The following DLGAP2 variants were observed in gnomAD, a reference collection of about 807,000 sequenced individuals.
DLGAP2 encodes the protein DLG associated protein 2.
A neutral mutation model predicts 100.3 loss-of-function variants in DLGAP2; 26 were observed. The ratio of observed to expected loss-of-function variants is 0.26; its 90% CI spans 0.19 to 0.36. DLGAP2 has a LOEUF of 0.36. Among genes scored for constraint, DLGAP2 ranks in the 10% least tolerant of loss-of-function variants. The pLI is 1.00. For missense variants in DLGAP2, 1,858 were observed against 1,453.2 expected, an observed-to-expected ratio of 1.28 and a Z score of -4.53; for synonymous variants, 886 against 630.1, an observed-to-expected ratio of 1.41 and a Z score of -6.08.
At chr8:1,350,210 A>T (rs1471205091) in intron 3 of DLGAP2, among the ~76,000 whole-genome samples, 2 of 150,100 alleles carry the variant, frequency 1.3e-5, no homozygotes, top group African/African-American at 4.9e-5. Flanking sequence ...GTGCGTGGAA[A>T]GGCCGTGCGG....
chr8:1,441,893 A>T (rs60287460), intron 3 of DLGAP2, among the ~76,000 whole-genome samples: 4,169 of 152,058 alleles, frequency 0.027, 200 homozygotes, highest in African/African-American at 0.094. Flanking sequence ...GCACCTATCA[A>T]TGTGGTCCAT....
intron 3 of DLGAP2, among the ~76,000 whole-genome samples, chr8:1,433,889 G>T (rs1797536443): frequency 6.6e-6 from 1 of 152,088 alleles, no homozygotes; most frequent in Admixed American, 6.5e-5. Context: ...ATCCAGTGCT[G>T]TCCATGGTCC....
At chr8:1,220,021 T>C (rs1489172160) in intron 2 of DLGAP2, among the ~76,000 whole-genome samples, 1 of 152,246 alleles carries the variant, frequency 6.6e-6, no homozygotes, top group Non-Finnish European at 1.5e-5. Flanking sequence ...TTAATCTAGC[T>C]AGTGGTCTAT....
chr8:962,785 C>G (rs1467511113), intron 2 of DLGAP2, among the ~76,000 whole-genome samples: 1 of 152,194 alleles, frequency 6.6e-6, no homozygotes, highest in Non-Finnish European at 1.5e-5. Flanking sequence ...GCATGGCCCT[C>G]AGCACCCAGG....
chr8:1,326,538 G>C (rs1260757494), intron 3 of DLGAP2, among the ~76,000 whole-genome samples: 3 of 152,040 alleles, frequency 2.0e-5, no homozygotes, highest in Non-Finnish European at 2.9e-5. Context: ...GTCCGGTCCT[G>C]TCTTTCAGGA....
chr8:1,337,853 AC>A (rs1392126535), intron 3 of DLGAP2, among the ~76,000 whole-genome samples: 1 of 152,332 alleles, frequency 6.6e-6, no homozygotes, highest in Non-Finnish European at 1.5e-5. Context: ...AGTGAAAAAG[AC>A]CAGTCAAATT....
rs148845615 is a variant in DLGAP2, at chr8:1,594,923, T to A, written c.1442+29029T>A. Reference sequence around the variant, plus strand: ...CCTCTGACTTCTTCCTGCCACTCACTGGGGTCTCCAGCTGTCAGCAGGACC... The same window carrying A: ...CCTCTGACTTCTTCCTGCCACTCACAGGGGTCTCCAGCTGTCAGCAGGACC... On this transcript the variant is annotated intron_variant, in intron 6 of 14. Transcript: ENST00000637795. Among the ~76,000 whole-genome samples the A allele has an allele frequency of 4.0e-4, 61 of 152,202 alleles. 1 individual carries two copies. The East Asian group carries it at 0.01, about 25-fold the overall frequency.
chr8:970,786 G>C lies in DLGAP2; in HGVS notation c.73+62820G>C, dbSNP rs77223589. On this transcript the variant is annotated intron_variant, in intron 2 of 14. Coordinates refer to ENST00000637795, the MANE Select transcript of DLGAP2 (RefSeq NM_001346810.2). ...AGACTTGAGCTGCACAAAGCTTCTA[G>C]TATATTCTATGACCTTGATTTTAGC... 1.6e-4 allele frequency among the ~76,000 whole-genome samples: 24 copies of C among 152,276 alleles called. 2 individuals carry two copies. The East Asian group carries it at 4.4e-3, about 28-fold the overall frequency.
chr8:1,158,745 C>G (rs1796838302), intron 2 of DLGAP2, among the ~76,000 whole-genome samples: 1 of 152,238 alleles, frequency 6.6e-6, no homozygotes, highest in Non-Finnish European at 1.5e-5. Flanking sequence ...GTCCTGGTGG[C>G]TCCGAGTCAC....
intron 6 of DLGAP2, among the ~76,000 whole-genome samples, chr8:1,577,380 C>A (rs1803026992): frequency 6.6e-6 from 1 of 151,786 alleles, no homozygotes; most frequent in South Asian, 2.1e-4. Context: ...ACCAGCCTGG[C>A]CAACATGGCA....
At chr8:1,641,654 C>T (rs1379774605) in intron 8 of DLGAP2, among the ~76,000 whole-genome samples, 1 of 152,090 alleles carries the variant, frequency 6.6e-6, no homozygotes, top group Non-Finnish European at 1.5e-5. Context: ...GGGATGGAGT[C>T]AGAAGTCCAG....
intron 3 of DLGAP2, among the ~76,000 whole-genome samples, chr8:1,350,844 C>T (rs1307050955): frequency 1.6e-5 from 1 of 62,144 alleles, no homozygotes; most frequent in Non-Finnish European, 3.3e-5. Flanking sequence ...GTGGAAAGGC[C>T]GTGCGGGTCC....
chr8:834,422 G>A (rs1796836557), intron 1 of DLGAP2, among the ~76,000 whole-genome samples: 1 of 152,178 alleles, frequency 6.6e-6, no homozygotes, highest in Non-Finnish European at 1.5e-5. Flanking sequence ...GCAGGCCGAC[G>A]CATGCGCCTG....
chr8:1,412,257 C>G (rs985466685), intron 3 of DLGAP2, among the ~76,000 whole-genome samples: 1 of 152,214 alleles, frequency 6.6e-6, no homozygotes, highest in Non-Finnish European at 1.5e-5. Context: ...GCTCTGAGCG[C>G]TAGACTCTGC....
At position 1,381,023 on chromosome 8, in the gene DLGAP2, TTAC is replaced by T. The variant is rs1303297705; in HGVS notation, c.107-120341_107-120339del. ...CATTTGATATTTTTATATTTATATT[TTAC>T]TTAAATAATATAAGGAGTTCCTTTC... On this transcript the variant is annotated intron_variant, in intron 3 of 14. Coordinates refer to ENST00000637795, the MANE Select transcript of DLGAP2 (RefSeq NM_001346810.2). 17 of 151,486 alleles carry T rather than the reference TTAC, an allele frequency of 1.1e-4. No individual in the cohort carries two copies. The East Asian group carries it at 3.3e-3, about 29-fold the overall frequency. The allele number at this position is 151,486 out of a possible 1,614,324, so 9.4% of individuals were successfully genotyped here.
chr8:866,155 C>T (rs1038947102), intron 1 of DLGAP2, among the ~76,000 whole-genome samples: 2 of 152,220 alleles, frequency 1.3e-5, no homozygotes, highest in South Asian at 4.2e-4. Flanking sequence ...CACGGTTGGC[C>T]GGGGCCCTCG....
At chr8:856,435 A>C (rs933923593) in intron 1 of DLGAP2, among the ~76,000 whole-genome samples, 1 of 151,944 alleles carries the variant, frequency 6.6e-6, no homozygotes, top group African/African-American at 2.4e-5. Flanking sequence ...TGATCTGCCC[A>C]CCTCGGCCTC....
intron 3 of DLGAP2, among the ~76,000 whole-genome samples, chr8:1,429,744 C>T (rs1204671851): frequency 1.3e-5 from 2 of 151,608 alleles, no homozygotes; most frequent in South Asian, 2.1e-4. Flanking sequence ...GCTTCAATCC[C>T]AGTGCTTTCC....
chr8:1,435,680 G>C (rs186097679), intron 3 of DLGAP2, among the ~76,000 whole-genome samples: 1 of 151,710 alleles, frequency 6.6e-6, no homozygotes, highest in Non-Finnish European at 1.5e-5. Context: ...CCCTGGGCCA[G>C]TCCTTCAGGA....
Sources: gnomAD v4.1 joint callset for allele counts (sites outside exome capture counted in the v4.1 genomes callset) on GRCh38, gnomAD v4.1.1 for gene constraint, MANE v1.5 for transcripts, NCBI Gene and HGNC (gene_info 2026-07-23, HGNC 2026-07-21) for gene names.